Variants in HUWE1 observed in about 807,000 individuals in gnomAD.
HUWE1 encodes E3 ubiquitin-protein ligase HUWE1.
In HUWE1, 18 loss-of-function variants were observed where a neutral mutation model predicts 299.4. The ratio of observed to expected loss-of-function variants is 0.06; its 90% confidence interval spans 0.04 to 0.09. The LOEUF is 0.09. Ranked by LOEUF, HUWE1 falls within the 10% of genes least tolerant of loss-of-function variation. HUWE1 has a pLI of 1.00. For missense variants in HUWE1, 1,832 were observed against 3,462.3 expected (o/e 0.53, Z 11.82); for synonymous variants, 1,317 against 1,286.1 (o/e 1.02, Z -0.51).
At chrX:53,582,029 A>G (rs2063643806) in intron 42 of HUWE1, among the ~76,000 whole-genome samples, 1 of 111,952 alleles carries the variant, frequency 8.9e-6, no homozygotes, top group African/African-American at 3.2e-5. Context: ...GAAAGTTAAG[A>G]GTATGCCTGG....
chrX:53,581,576 C>T (rs372712673), intron 42 of HUWE1, among the ~76,000 whole-genome samples: 8 of 111,800 alleles, frequency 7.2e-5, no homozygotes, highest in African/African-American at 2.3e-4. Flanking sequence ...CATGAAAGCA[C>T]GAAGAAAATA....
chrX:53,554,967 T>C (rs907877824), intron 60 of HUWE1, 47 bp from the exon 61 acceptor site: 41 of 1,011,602 alleles, frequency 4.1e-5, no homozygotes, highest in Non-Finnish European at 5.5e-5. Context: ...AACCAGCCAA[T>C]GATGAGGGGA....
chrX:53,677,006 G>A (rs998625331), intron 3 of HUWE1, among the ~76,000 whole-genome samples: 15 of 109,786 alleles, frequency 1.4e-4, no homozygotes, highest in African/African-American at 4.7e-4. Context: ...TCACCATTTT[G>A]TAGCCCCCCA....
chrX:53,580,847 A>G lies in HUWE1; in HGVS notation c.5700T>C (p.Pro1900=). The stretch of plus-strand genomic sequence containing the variant: ...GAAACTTACCAGTTCCTGAGCCTCG[A>G]GGGGCAGGAAGGGCGATGCGGATAC... The part of the protein sequence containing the change: ...NCCIRIALPA[P]RGSGTASDDE... The change falls in exon 43 of 84, where the codon CCT becomes CCC. Residue 1900 remains proline, a synonymous_variant. Coordinates refer to ENST00000262854, the MANE Select transcript of HUWE1 (RefSeq NM_031407.7). 8.3e-7 allele frequency: 1 copy of G among 1,211,144 alleles called. No individual in the cohort carries two copies. The highest frequency in any genetic ancestry group is 1.1e-6 in the Non-Finnish European group (1 of 895,210).
At chrX:53,557,317 G>C in intron 60 of HUWE1, 65 bp downstream of exon 60, 1 of 995,441 alleles carries the variant, frequency 1.0e-6, no homozygotes, top group Non-Finnish European at 1.4e-6. Context: ...CCAGCTACTC[G>C]GAACTATCAG....
chrX:53,567,671 C>T (rs1214949470), intron 49 of HUWE1, among the ~76,000 whole-genome samples: 1 of 111,765 alleles, frequency 8.9e-6, no homozygotes, highest in Non-Finnish European at 1.9e-5. Flanking sequence ...TATTCATAAG[C>T]CTCAAAGAAA....
intron 53 of HUWE1, 61 bp downstream of exon 53, chrX:53,562,770 T>G: frequency 1.1e-6 from 1 of 916,059 alleles, no homozygotes; most frequent in Non-Finnish European, 1.6e-6. Flanking sequence ...AAAACCCTAG[T>G]GTAGTGTCTG....
At position 53,684,080 on chromosome X, in the gene HUWE1, C is replaced by T. The variant is rs781783534; in HGVS notation, c.-163+2190G>A. On this transcript the variant is annotated intron_variant, in intron 2 of 83. Coordinates refer to ENST00000262854, the MANE Select transcript of HUWE1 (RefSeq NM_031407.7). ...CCCAGCCCTTTCCAGACCCCTCCTC[C>T]CTCCCACCAAAGCCGAAGTAGCTAC... is the stretch of plus-strand genomic sequence containing the variant. 7 of 277,337 alleles carry T rather than the reference C, an allele frequency of 2.5e-5. 1 individual carries two copies. The highest frequency in any genetic ancestry group is 1.9e-4 in the African/African-American group (7 of 36,590). 22.9% of individuals were successfully genotyped at this position (277,337 alleles called of 1,213,427 possible).
intron 49 of HUWE1, 59 bp from the exon 50 acceptor site, chrX:53,565,298 C>A: frequency 1.1e-6 from 1 of 945,361 alleles, no homozygotes. Context: ...TGTCTATCTT[C>A]TAAATGACAC....
intron 80 of HUWE1, chrX:53,535,820 T>C (rs185668389): frequency 3.6e-4 from 136 of 379,557 alleles, no homozygotes; most frequent in African/African-American, 3.2e-3. Context: ...GAAAAGAATT[T>C]AGGAGAAGAG....
intron 50 of HUWE1, 109 bp from the exon 51 acceptor site, chrX:53,564,831 T>C: frequency 9.8e-7 from 1 of 1,020,533 alleles, no homozygotes; most frequent in Non-Finnish European, 1.4e-6. Context: ...GTTTGTAAGT[T>C]CTCAGAGAAT....
At chrX:53,663,369 C>T (rs781924660) in intron 3 of HUWE1, among the ~76,000 whole-genome samples, 6 of 111,629 alleles carry the variant, frequency 5.4e-5, no homozygotes, top group Admixed American at 9.5e-5. Flanking sequence ...AAAAATTAGC[C>T]GGGTGTGGTG....
At chrX:53,610,997 G>C (rs1557001635) in intron 23 of HUWE1, among the ~76,000 whole-genome samples, 1 of 109,836 alleles carries the variant, frequency 9.1e-6, no homozygotes, top group African/African-American at 3.3e-5. Flanking sequence ...AATTCAGAAG[G>C]CAGAAGAAAG....
intron 61 of HUWE1, among the ~76,000 whole-genome samples, chrX:53,553,286 G>A (rs1163297177): frequency 1.8e-5 from 2 of 109,107 alleles, no homozygotes; most frequent in Non-Finnish European, 3.8e-5. Context: ...GGGATTACAG[G>A]CACCTGCTAC....
In HUWE1 at chrX:53,603,351, G is replaced by C. The variant is rs2064984934; in HGVS notation, c.2876+17C>G. Reference sequence around the variant, plus strand: ...ACTTAGATAACAAAGTAATAAGAGAGAGAGCCATTCTCTTACCTGTTTGGG... The same window carrying C: ...ACTTAGATAACAAAGTAATAAGAGACAGAGCCATTCTCTTACCTGTTTGGG... On this transcript the variant is annotated intron_variant, in intron 27 of 83. Transcript: ENST00000262854. 6 of 1,204,373 alleles carry C rather than the reference G, an allele frequency of 5.0e-6. No individual in the cohort carries two copies. The highest frequency in any genetic ancestry group is 1.7e-5 in the African/African-American group (1 of 57,522).
In HUWE1 at chrX:53,671,861, C is replaced by T. The variant is rs2069563706; in HGVS notation, c.-25+8188G>A. On this transcript the variant is annotated intron_variant, in intron 3 of 83. Transcript: ENST00000262854. ...GACAGAGACATGGAACGGGTCAATA[C>T]GTGGGAAGAGCAAATTTAACAATAC... 3.1e-5 allele frequency among the ~76,000 whole-genome samples: 3 copies of T among 97,052 alleles called. No homozygotes were observed. In the South Asian group the frequency reaches 1.5e-3, roughly 48 times the overall value. The allele number at this position is 97,052 out of a possible 115,157, so 84.3% of individuals were successfully genotyped here. A position where few individuals can be genotyped will look rare whatever the true frequency, so the allele number is the denominator to read the frequency against.
At chrX:53,538,490 C>T in intron 76 of HUWE1, 36 bp from the exon 77 acceptor site, 1 of 957,357 alleles carries the variant, frequency 1.0e-6, no homozygotes, top group African/African-American at 1.9e-5. Context: ...TTAAGCACAT[C>T]ATCTGCCCCA....
rs1556941498 is a variant in HUWE1, at chrX:53,561,886, GTCA to G, written c.7374_7376del (p.Asp2461del). 2 of 1,211,140 alleles carry G rather than the reference GTCA, an allele frequency of 1.7e-6. No homozygotes were observed. Among genetic ancestry groups the G allele is most frequent in the African/African-American group, 1.7e-5 (1 of 57,673 alleles). The stretch of plus-strand genomic sequence containing the variant: ...CCAATTCCATCTCAGAGCCATCGTC[GTCA>G]TCGTCTTCATCTCCCTCTTCACCTT... On this transcript the variant is annotated inframe_deletion, in exon 55 of 84. Transcript: ENST00000262854.
At chrX:53,594,185 G>A (rs2064326542) in intron 31 of HUWE1, among the ~76,000 whole-genome samples, 1 of 111,791 alleles carries the variant, frequency 8.9e-6, no homozygotes, top group Admixed American at 9.4e-5. Context: ...ACCAAGAATA[G>A]CAGAAAAATT....
Sources: gnomAD v4.1 joint callset for allele counts (sites outside exome capture counted in the v4.1 genomes callset) on GRCh38, gnomAD v4.1.1 for gene constraint, MANE v1.5 for transcripts, NCBI Gene and HGNC (gene_info 2026-07-23, HGNC 2026-07-21) for gene names.